The following JAM3 variants were observed in gnomAD, a reference collection of about 807,000 sequenced individuals.
JAM3 encodes the protein junctional adhesion molecule 3.
Under a neutral mutation model 39.4 loss-of-function variants are expected in JAM3, and 31 were observed. The ratio of observed to expected loss-of-function variants is 0.79; its 90% CI spans 0.59 to 1.06. The LOEUF (loss-of-function observed/expected upper bound fraction) is 1.06, where lower values mean the gene tolerates loss of function less well. Ranked by LOEUF, JAM3 falls within the 50% of genes least tolerant of loss-of-function variation. The pLI, the probability that JAM3 is intolerant of heterozygous loss-of-function variation, is 0.00. For missense variants in JAM3, 455 were observed against 391.4 expected (o/e 1.16, Z -1.37); for synonymous variants, 182 against 148.7 (o/e 1.22, Z -1.63).
At chr11:134,125,307 G>A (rs1942625755) in intron 1 of JAM3, among the ~76,000 whole-genome samples, 1 of 152,210 alleles carries the variant, frequency 6.6e-6, no homozygotes, top group Non-Finnish European at 1.5e-5. Context: ...TGCACATCAT[G>A]TCAGAGGCTT....
chr11:134,106,753 A>G (rs1942198330), intron 1 of JAM3, among the ~76,000 whole-genome samples: 2 of 152,274 alleles, frequency 1.3e-5, no homozygotes, highest in South Asian at 4.1e-4. Context: ...ACTGGCCATC[A>G]GATAAATGCA....
At chr11:134,093,185 A>G (rs1378520875) in intron 1 of JAM3, among the ~76,000 whole-genome samples, 7 of 112,150 alleles carry the variant, frequency 6.2e-5, no homozygotes, top group South Asian at 3.2e-4. Context: ...CTTCTCCTGA[A>G]CCCTCCTTAT....
chr11:134,091,174 A>G (rs1436382205), intron 1 of JAM3, among the ~76,000 whole-genome samples: 1 of 152,088 alleles, frequency 6.6e-6, no homozygotes, highest in African/African-American at 2.4e-5. Context: ...AGCCTGGGCA[A>G]CACAGTGAGA....
chr11:134,072,862 AT>A (rs1189641407), intron 1 of JAM3, among the ~76,000 whole-genome samples: 2 of 152,074 alleles, frequency 1.3e-5, no homozygotes, highest in African/African-American at 4.8e-5. Context: ...GTGAGCTGAG[AT>A]TGCGCCACTG....
Position 134,139,924 on chromosome 11 carries a change from C to A in JAM3, c.142+8C>A, listed in dbSNP as rs1450926468. ...TGGTACAGGAATTTGAAAGTAAGTA[C>A]AAACGAAATGCCTAGGATAATGGGC... On this transcript the variant is annotated splice_region_variant and intron_variant, in intron 2 of 8. Coordinates refer to ENST00000299106, the MANE Select transcript of JAM3 (RefSeq NM_032801.5). 1 of 1,606,282 alleles carries A rather than the reference C, an allele frequency of 6.2e-7. No individual in the cohort carries two copies. Among genetic ancestry groups the A allele is most frequent in the African/African-American group, 1.3e-5 (1 of 74,886 alleles).
At chr11:134,112,826 A>G (rs1372248219) in intron 1 of JAM3, among the ~76,000 whole-genome samples, 1 of 152,214 alleles carries the variant, frequency 6.6e-6, no homozygotes, top group Non-Finnish European at 1.5e-5. Flanking sequence ...GTGTAAGAGG[A>G]TATGACCTCC....
chr11:134,101,757 C>T (rs1309170369), intron 1 of JAM3, among the ~76,000 whole-genome samples: 1 of 151,956 alleles, frequency 6.6e-6, no homozygotes, highest in Non-Finnish European at 1.5e-5. Flanking sequence ...AGCTATGTGC[C>T]AGGAATTTAT....
chr11:134,081,286 G>A (rs1327555413), intron 1 of JAM3, among the ~76,000 whole-genome samples: 2 of 152,214 alleles, frequency 1.3e-5, no homozygotes, highest in African/African-American at 4.8e-5. Flanking sequence ...GGAGCCAAAT[G>A]TTAATCCCCA....
intron 1 of JAM3, among the ~76,000 whole-genome samples, chr11:134,110,748 G>A (rs1270025647): frequency 6.6e-6 from 1 of 152,040 alleles, no homozygotes; most frequent in Non-Finnish European, 1.5e-5. Context: ...GGATATGTTC[G>A]CTATTGTGGT....
At chr11:134,085,297 C>G (rs1941730107) in intron 1 of JAM3, among the ~76,000 whole-genome samples, 1 of 152,102 alleles carries the variant, frequency 6.6e-6, no homozygotes. Flanking sequence ...AGAAACCATT[C>G]CAAACTATTA....
At position 134,148,540 on chromosome 11, in the gene JAM3, T is replaced by G. The variant is rs779947297; in HGVS notation, c.713-7T>G. 2 of 1,614,198 alleles carry G rather than the reference T, an allele frequency of 1.2e-6. No individual in the cohort carries two copies. The highest frequency in any genetic ancestry group is 1.7e-6 in the Non-Finnish European group (2 of 1,180,036). On this transcript the variant is annotated splice_region_variant and splice_polypyrimidine_tract_variant and intron_variant, in intron 6 of 8. Coordinates refer to ENST00000299106, the MANE Select transcript of JAM3 (RefSeq NM_032801.5). The stretch of plus-strand genomic sequence containing the variant: ...TCATGGCTTCCACCAAACCTCCTTT[T>G]CTTCAGATGACCTGAACATTGGCGG...
chr11:134,097,732 G>A (rs1942007962), intron 1 of JAM3, among the ~76,000 whole-genome samples: 1 of 152,014 alleles, frequency 6.6e-6, no homozygotes, highest in African/African-American at 2.4e-5. Flanking sequence ...TCAGGATAAT[G>A]TTTTCTTGAT....
intron 1 of JAM3, among the ~76,000 whole-genome samples, chr11:134,125,072 G>C (rs1414824488): frequency 6.6e-6 from 1 of 152,204 alleles, no homozygotes; most frequent in African/African-American, 2.4e-5. Flanking sequence ...TGCTCCTGCA[G>C]CCGCCGCTGC....
chr11:134,098,987 C>T (rs1011646326), intron 1 of JAM3, among the ~76,000 whole-genome samples: 2 of 152,066 alleles, frequency 1.3e-5, no homozygotes, highest in Non-Finnish European at 2.9e-5. Flanking sequence ...ATTGCTTGAG[C>T]CCAGGAGTTC....
chr11:134,086,302 A>G (rs1941744868), intron 1 of JAM3, among the ~76,000 whole-genome samples: 1 of 152,226 alleles, frequency 6.6e-6, no homozygotes, highest in Admixed American at 6.5e-5. Context: ...CCTTCTCTTA[A>G]AAAAGCTCCC....
chr11:134,089,770 C>A lies in JAM3; in HGVS notation c.76+20611C>A, dbSNP rs1465793356. Among the ~76,000 whole-genome samples the A allele has an allele frequency of 2.6e-5, 4 of 152,264 alleles. No homozygotes were observed. The East Asian group carries it at 7.7e-4, about 29-fold the overall frequency. Reference sequence around the variant, plus strand: ...TGTGAATAGTGTCGCAGTAAACATACGTGTGCATGTGTCTTTATAGCAGCA... The same window carrying A: ...TGTGAATAGTGTCGCAGTAAACATAAGTGTGCATGTGTCTTTATAGCAGCA... On this transcript the variant is annotated intron_variant, in intron 1 of 8. Transcript: ENST00000299106.
chr11:134,146,678 C>T (rs1316886729), intron 6 of JAM3, among the ~76,000 whole-genome samples: 2 of 152,122 alleles, frequency 1.3e-5, no homozygotes, highest in Admixed American at 6.5e-5. Context: ...AGCCATTCTC[C>T]CACCTCAGTC....
intron 1 of JAM3, among the ~76,000 whole-genome samples, chr11:134,095,931 T>G (rs950459745): frequency 1.3e-5 from 2 of 152,192 alleles, no homozygotes; most frequent in African/African-American, 4.8e-5. Context: ...TCTAACCCAC[T>G]GTGTCTCAAA....
intron 1 of JAM3, among the ~76,000 whole-genome samples, chr11:134,086,930 A>G (rs980202701): frequency 6.6e-6 from 1 of 151,896 alleles, no homozygotes; most frequent in Non-Finnish European, 1.5e-5. Flanking sequence ...TCAACTTTCC[A>G]TGTAGCTGGG....
Sources: gnomAD v4.1 joint callset for allele counts (sites outside exome capture counted in the v4.1 genomes callset) on GRCh38, gnomAD v4.1.1 for gene constraint, MANE v1.5 for transcripts, NCBI Gene and HGNC (gene_info 2026-07-23, HGNC 2026-07-21) for gene names.